SRD5A2: variants seen among roughly 807,000 people sequenced by gnomAD.
The protein encoded by SRD5A2 is 3-oxo-5-alpha-steroid 4-dehydrogenase 2.
In SRD5A2, 30 loss-of-function variants were observed where a neutral mutation model predicts 27.4. The observed-to-expected ratio is 1.10, with a 90% CI of 0.82 to 1.49. The LOEUF (loss-of-function observed/expected upper bound fraction) is 1.49, where lower values mean the gene tolerates loss of function less well. SRD5A2 is among the 40% of genes most tolerant of loss of function. SRD5A2 has a pLI of 0.00. For missense variants in SRD5A2, 348 were observed against 323.4 expected, an observed-to-expected ratio of 1.08 and a Z score of -0.58; for synonymous variants, 141 against 133.6, an observed-to-expected ratio of 1.06 and a Z score of -0.38.
chr2:31,660,449 C>G, the SRD5A2 span, among the ~76,000 whole-genome samples: 2 of 152,104 alleles, frequency 1.3e-5, no homozygotes, highest in Admixed American at 6.6e-5. Context: ...ATGAGTCATA[C>G]ACACATGTTA....
intron 1 of SRD5A2, among the ~76,000 whole-genome samples, chr2:31,566,958 T>C (rs1178277460): frequency 6.6e-6 from 1 of 152,220 alleles, no homozygotes; most frequent in Non-Finnish European, 1.5e-5. Flanking sequence ...TTTGTACATG[T>C]CAACATGGAT....
At chr2:31,588,104 A>C in the SRD5A2 span, among the ~76,000 whole-genome samples, 1 of 152,144 alleles carries the variant, frequency 6.6e-6, no homozygotes, top group African/African-American at 2.4e-5. Context: ...AGAATGAAGC[A>C]TGCCTACAGG....
chr2:31,543,181 C>G (rs1050318048), intron 1 of SRD5A2, among the ~76,000 whole-genome samples: 2 of 152,132 alleles, frequency 1.3e-5, no homozygotes, highest in Non-Finnish European at 2.9e-5. Flanking sequence ...AAGAAACTGT[C>G]AAGCAAGAAC....
chr2:31,642,806 A>G, the SRD5A2 span, among the ~76,000 whole-genome samples: 35 of 152,152 alleles, frequency 2.3e-4, 1 homozygote, highest in South Asian at 6.2e-3. Context: ...ATTGTATTCT[A>G]TATATTCCAA....
intron 1 of SRD5A2, among the ~76,000 whole-genome samples, chr2:31,538,448 C>A (rs536016639): frequency 1.3e-5 from 2 of 152,300 alleles, no homozygotes; most frequent in African/African-American, 2.4e-5. Flanking sequence ...TCTCATTAAA[C>A]CTCTCCCGGG....
chr2:31,536,830 T>C (rs1371468964), intron 1 of SRD5A2, among the ~76,000 whole-genome samples: 2 of 152,228 alleles, frequency 1.3e-5, no homozygotes, highest in East Asian at 3.9e-4. Context: ...ACCTATGGTC[T>C]GAGACTCAGT....
chr2:31,537,871 A>C (rs908963462), intron 1 of SRD5A2, among the ~76,000 whole-genome samples: 2 of 152,110 alleles, frequency 1.3e-5, no homozygotes, highest in Non-Finnish European at 2.9e-5. Flanking sequence ...GGATTTGTTC[A>C]TTCTTGCCCT....
the SRD5A2 span, among the ~76,000 whole-genome samples, chr2:31,588,213 T>C: frequency 1.3e-5 from 2 of 152,102 alleles, no homozygotes; most frequent in Non-Finnish European, 2.9e-5. Context: ...AAAGGGCTAA[T>C]AACAGAAAAC....
At chr2:31,628,948 C>T in the SRD5A2 span, among the ~76,000 whole-genome samples, 1 of 152,124 alleles carries the variant, frequency 6.6e-6, no homozygotes, top group Admixed American at 6.6e-5. Flanking sequence ...TAGTATTTCA[C>T]AGGTTTTCTC....
At chr2:31,580,380 G>A (rs1317352654) in intron 1 of SRD5A2, among the ~76,000 whole-genome samples, 1 of 152,204 alleles carries the variant, frequency 6.6e-6, no homozygotes, top group African/African-American at 2.4e-5. Flanking sequence ...GCTGCTGAGA[G>A]CGGATGAGGT....
chr2:31,583,716 CT>C (rs1266103807), upstream of SRD5A2, among the ~76,000 whole-genome samples: 90 of 144,852 alleles, frequency 6.2e-4, no homozygotes, highest in African/African-American at 2.1e-3. Context: ...TTAATTTTGT[CT>C]GCTTTTGAAT....
At chr2:31,640,861 C>CA in the SRD5A2 span, among the ~76,000 whole-genome samples, 4,869 of 144,114 alleles carry the variant, frequency 0.034, 89 homozygotes, top group African/African-American at 0.055. Context: ...TGGTTTAAGG[C>CA]AAAAAAAAAA....
the SRD5A2 span, among the ~76,000 whole-genome samples, chr2:31,615,608 CA>C: frequency 7.3e-5 from 11 of 150,696 alleles, no homozygotes; most frequent in East Asian, 2.0e-3. Context: ...AAAAGGGAAA[CA>C]GCATAAAATT....
In SRD5A2 at chr2:31,533,133, C is replaced by A. The variant is rs28383049; in HGVS notation, c.445+470G>T. On this transcript the variant is annotated intron_variant, in intron 2 of 4. Coordinates refer to ENST00000622030, the MANE Select transcript of SRD5A2 (RefSeq NM_000348.4). ...ATTATATGTGTAGCCCAAGGCAATT[C>A]TTCTTTTTCCAATGTGGTCCAGGGA... Among the ~76,000 whole-genome samples, 789 of 152,236 alleles carry A rather than the reference C, an allele frequency of 5.2e-3. 8 individuals are homozygous for A. Among genetic ancestry groups the A allele is most frequent in the African/African-American group, 0.018 (749 of 41,540 alleles).
intron 1 of SRD5A2, among the ~76,000 whole-genome samples, chr2:31,547,301 T>C (rs7424544): frequency 0.022 from 3,283 of 152,250 alleles, 72 homozygotes; most frequent in African/African-American, 0.049. Flanking sequence ...CAAATTATTC[T>C]CAATGCTTCA....
intron 1 of SRD5A2, among the ~76,000 whole-genome samples, chr2:31,571,888 G>A (rs1666855679): frequency 6.6e-6 from 1 of 152,196 alleles, no homozygotes; most frequent in South Asian, 2.1e-4. Context: ...CAAGGTTATG[G>A]AGAAAAGGGA....
At chr2:31,651,010 C>A in the SRD5A2 span, among the ~76,000 whole-genome samples, 1 of 152,210 alleles carries the variant, frequency 6.6e-6, no homozygotes, top group African/African-American at 2.4e-5. Flanking sequence ...TAGATCTCCA[C>A]CTGCCTTCTG....
chr2:31,650,860 C>T, the SRD5A2 span, among the ~76,000 whole-genome samples: 2 of 152,112 alleles, frequency 1.3e-5, no homozygotes, highest in Non-Finnish European at 2.9e-5. Context: ...GAAGAGGGCA[C>T]AACTACAAAA....
At chr2:31,634,766 T>TG in the SRD5A2 span, among the ~76,000 whole-genome samples, 1 of 152,142 alleles carries the variant, frequency 6.6e-6, no homozygotes, top group African/African-American at 2.4e-5. Context: ...CTCCCACATA[T>TG]AAATGAGATC....
Sources: allele counts gnomAD v4.1 joint callset (sites outside exome capture counted in the v4.1 genomes callset), GRCh38; gene constraint gnomAD v4.1.1; transcripts MANE v1.5; gene names NCBI Gene and HGNC (gene_info 2026-07-23, HGNC 2026-07-21).